The following CSNK1A1 variants were observed in gnomAD, a reference collection of about 807,000 sequenced individuals.
CSNK1A1 encodes casein kinase 1 alpha 1.
In CSNK1A1, 7 loss-of-function variants were observed where a neutral mutation model predicts 46.1. The observed-to-expected ratio is 0.15, with a 90% CI of 0.09 to 0.29. The LOEUF is 0.29. Ranked by LOEUF, CSNK1A1 falls within the 10% of genes least tolerant of loss-of-function variation. CSNK1A1 has a pLI of 1.00. For synonymous variants in CSNK1A1, 137 were observed against 141.5 expected, an observed-to-expected ratio of 0.97 and a Z score of 0.23; for missense variants, 96 against 417.1, an observed-to-expected ratio of 0.23 and a Z score of 6.71.
intron 2 of CSNK1A1, among the ~76,000 whole-genome samples, chr5:149,532,217 G>T (rs544558565): frequency 2.6e-5 from 4 of 152,138 alleles, no homozygotes; most frequent in African/African-American, 9.6e-5. Flanking sequence ...ATAGGAGCAG[G>T]TCTAATAAAT....
chr5:149,534,482 C>CAAAA (rs10597922), intron 2 of CSNK1A1, among the ~76,000 whole-genome samples: 6 of 94,980 alleles, frequency 6.3e-5, no homozygotes, highest in East Asian at 3.2e-4. Flanking sequence ...GACTCTGTCT[C>CAAAA]AAAAAAAAAA....
intron 9 of CSNK1A1, chr5:149,501,264 TA>T (rs745710033): frequency 4.1e-4 from 329 of 795,032 alleles, no homozygotes; most frequent in Middle Eastern, 6.7e-4. Context: ...CTGTCCACAG[TA>T]AAAAAAAAAG....
chr5:149,495,760 A>AG lies in CSNK1A1; in HGVS notation c.*1092_*1093insC, dbSNP rs576597886. The AG allele has an allele frequency of 2.5e-3, 377 of 152,096 alleles. 2 individuals carry two copies. Among genetic ancestry groups the AG allele is most frequent in the African/African-American group, 7.8e-3 (323 of 41,406 alleles). The allele number at this position is 152,096 out of a possible 1,614,324, so 9.4% of individuals were successfully genotyped here. ...TGCAAGTCATAAAAAAAAAAAAAAAAAAAGAAAAAAATGAAAGAATGCCTT... is the reference window on the plus strand; with the variant it reads ...TGCAAGTCATAAAAAAAAAAAAAAAAGAAAGAAAAAAATGAAAGAATGCCTT... On this transcript the variant is annotated 3_prime_UTR_variant, in exon 10 of 10. Transcript: ENST00000377843.
intron 4 of CSNK1A1, among the ~76,000 whole-genome samples, chr5:149,518,611 A>G (rs1761466864): frequency 6.6e-6 from 1 of 152,198 alleles, no homozygotes; most frequent in Non-Finnish European, 1.5e-5. Flanking sequence ...TTAGTTGAGT[A>G]AAACACTTTG....
At chr5:149,545,443 A>C in intron 2 of CSNK1A1, 1 of 528,596 alleles carries the variant, frequency 1.9e-6, no homozygotes, top group South Asian at 2.5e-5. Context: ...CTGGAACTGA[A>C]GCTGGAGCTG....
At chr5:149,523,715 T>C (rs1209900040) in intron 3 of CSNK1A1, among the ~76,000 whole-genome samples, 1 of 152,244 alleles carries the variant, frequency 6.6e-6, no homozygotes, top group East Asian at 1.9e-4. Context: ...TATATATTTA[T>C]GGGGTATGTG....
At chr5:149,501,013 A>G in intron 9 of CSNK1A1, 1 of 985,414 alleles carries the variant, frequency 1.0e-6, no homozygotes, top group South Asian at 4.7e-5. Flanking sequence ...GTTTTAAAAT[A>G]CCTGTTTATA....
chr5:149,514,394 G>T (rs79539400), intron 4 of CSNK1A1, among the ~76,000 whole-genome samples: 20,309 of 152,118 alleles, frequency 0.13, 1,489 homozygotes, highest in Non-Finnish European at 0.16. Flanking sequence ...CATATGAAAA[G>T]AAATAATCTT....
chr5:149,515,669 C>T (rs1352584810), intron 4 of CSNK1A1, among the ~76,000 whole-genome samples: 1 of 152,136 alleles, frequency 6.6e-6, no homozygotes, highest in African/African-American at 2.4e-5. Flanking sequence ...GGTTCATTAC[C>T]TTCGGGTACC....
At chr5:149,546,877 T>C (rs537987686) in intron 2 of CSNK1A1, among the ~76,000 whole-genome samples, 1 of 152,220 alleles carries the variant, frequency 6.6e-6, no homozygotes, top group East Asian at 1.9e-4. Context: ...ACAGAAATAG[T>C]GGGGAACAAA....
chr5:149,550,299 G>A lies in CSNK1A1; in HGVS notation c.124-118C>T. Reference sequence around the variant, plus strand: ...CGACTACAAGAAGAAGTGAAAAGCTGGAAAGAGAAAGCTCTCGGTAATTAT... The same window carrying A: ...CGACTACAAGAAGAAGTGAAAAGCTAGAAAGAGAAAGCTCTCGGTAATTAT... On this transcript the variant is annotated intron_variant, in intron 1 of 9. Transcript: ENST00000377843. This position sits in a 1 kb window ranked among gnomAD's most constrained non-coding sequence, Gnocchi z 4.3. 5.4e-6 allele frequency: 8 copies of A among 1,488,922 alleles called. No homozygotes were observed. The South Asian group carries it at 5.4e-5, about 10-fold the overall frequency. The allele number at this position is 1,488,922 out of a possible 1,614,324, so 92.2% of individuals were successfully genotyped here.
chr5:149,505,232 T>C (rs931285188), intron 9 of CSNK1A1: 15 of 1,292,266 alleles, frequency 1.2e-5, no homozygotes, highest in Admixed American at 3.5e-5. Context: ...CACACATATA[T>C]GTATATACAA....
Position 149,495,228 on chromosome 5 carries a change from A to G in CSNK1A1, c.*1625T>C, listed in dbSNP as rs1356810304. On this transcript the variant is annotated 3_prime_UTR_variant, in exon 10 of 10. Coordinates refer to ENST00000377843, the MANE Select transcript of CSNK1A1 (RefSeq NM_001892.6). ...AGTTTTCAAATAAAAAAAAGAAAAA[A>G]GAAAACAAAACAAATTAAACTTGAC... 6.6e-6 allele frequency: 1 copy of G among 152,236 alleles called. No homozygotes were observed. The highest frequency in any genetic ancestry group is 1.5e-5 in the Non-Finnish European group (1 of 68,050). 9.4% of individuals were successfully genotyped at this position (152,236 alleles called of 1,614,324 possible). A position where few individuals can be genotyped will look rare whatever the true frequency, so the allele number is the denominator to read the frequency against.
intron 2 of CSNK1A1, among the ~76,000 whole-genome samples, chr5:149,531,041 A>G (rs1761880957): frequency 6.6e-6 from 1 of 151,616 alleles, no homozygotes; most frequent in Non-Finnish European, 1.5e-5. Context: ...AAATCCTTTC[A>G]ATTTTCCTAT....
rs571403689 is a variant in CSNK1A1 at position 149,548,284 on chromosome 5, A to G, written c.230+1791T>C. On this transcript the variant is annotated intron_variant, in intron 2 of 9. Coordinates refer to ENST00000377843, the MANE Select transcript of CSNK1A1 (RefSeq NM_001892.6). ...AACTGGAATAGAAAAAGGGGCTAAC[A>G]GGCTGGGCCCGGTGGCTCACGCCTA... is the stretch of plus-strand genomic sequence containing the variant. 4.2e-4 allele frequency among the ~76,000 whole-genome samples: 64 copies of G among 152,252 alleles called. No individual in the cohort carries two copies. In the South Asian group the frequency reaches 6.8e-3, roughly 16 times the overall value.
intron 4 of CSNK1A1, among the ~76,000 whole-genome samples, chr5:149,514,282 TG>T (rs1288651257): frequency 2.0e-5 from 3 of 152,204 alleles, no homozygotes; most frequent in African/African-American, 7.2e-5. Context: ...TGTAGCTAAT[TG>T]TTGTATGTAA....
At chr5:149,505,655 T>G in intron 8 of CSNK1A1, 60 bp from the exon 9 acceptor site, 4 of 1,411,286 alleles carry the variant, frequency 2.8e-6, no homozygotes, top group Non-Finnish European at 4.0e-6. Context: ...TTATATAACC[T>G]ACTAACTTTT....
intron 3 of CSNK1A1, among the ~76,000 whole-genome samples, chr5:149,522,386 C>T (rs536877591): frequency 8.5e-5 from 13 of 152,326 alleles, no homozygotes; most frequent in African/African-American, 3.1e-4. Context: ...GCTGGGATTG[C>T]TGGCATGAGC....
chr5:149,501,790 A>T lies in CSNK1A1; in HGVS notation c.1006+3657T>A, dbSNP rs1020725374. On this transcript the variant is annotated intron_variant, in intron 9 of 9. Coordinates refer to ENST00000377843, the MANE Select transcript of CSNK1A1 (RefSeq NM_001892.6). ...TCATTAGATTTTGAATGTCCTAAAAATATTTCATTTTCCTTTACTTATTTT... is the reference window on the plus strand; with the variant it reads ...TCATTAGATTTTGAATGTCCTAAAATTATTTCATTTTCCTTTACTTATTTT... The T allele has an allele frequency of 6.1e-6, 6 of 982,032 alleles. No individual in the cohort carries two copies. In the Admixed American group the frequency reaches 1.8e-4, roughly 30 times the overall value. 60.8% of individuals were successfully genotyped at this position (982,032 alleles called of 1,614,324 possible).
Sources: gnomAD v4.1 joint callset for allele counts (sites outside exome capture counted in the v4.1 genomes callset) on GRCh38, gnomAD v4.1.1 for gene constraint, Gnocchi (gnomAD v3.1) non-coding constraint, MANE v1.5 for transcripts, NCBI Gene and HGNC (gene_info 2026-07-23, HGNC 2026-07-21) for gene names.